Variants in ATL1 observed in about 807,000 individuals in gnomAD.
The protein encoded by ATL1 is atlastin-1.
In ATL1, 31 loss-of-function variants were observed where a neutral mutation model predicts 75.5. The observed-to-expected ratio is 0.41, with a 90% CI of 0.31 to 0.55. The LOEUF (loss-of-function observed/expected upper bound fraction) is 0.55. Among genes scored for constraint, ATL1 ranks in the 20% least tolerant of loss-of-function variants. ATL1 has a pLI of 0.27. For missense variants in ATL1, 405 were observed against 662.6 expected (o/e 0.61, Z 4.27); for synonymous variants, 226 against 233.3 (o/e 0.97, Z 0.28).
intron 12 of ATL1, 49 bp from the exon 13 acceptor site, chr14:50,629,946 A>G: frequency 6.9e-7 from 1 of 1,445,808 alleles, no homozygotes; most frequent in Non-Finnish European, 9.5e-7. Flanking sequence ...CTGTTAATAA[A>G]GCAGGATATA....
chr14:50,570,136 C>T (rs949286269), intron 1 of ATL1, among the ~76,000 whole-genome samples: 13 of 152,164 alleles, frequency 8.5e-5, no homozygotes, highest in African/African-American at 2.9e-4. Flanking sequence ...CTCTCTGCCA[C>T]TTTCTCTTTC....
intron 1 of ATL1, among the ~76,000 whole-genome samples, chr14:50,584,315 T>C (rs995314439): frequency 1.3e-5 from 2 of 152,108 alleles, no homozygotes; most frequent in Non-Finnish European, 2.9e-5. Context: ...GAAGCAGAGG[T>C]TGCAGTGAGC....
intron 1 of ATL1, among the ~76,000 whole-genome samples, chr14:50,534,407 C>G (rs1342359565): frequency 6.6e-6 from 1 of 152,188 alleles, no homozygotes; most frequent in East Asian, 1.9e-4. Context: ...TTTCCTAATG[C>G]AAAGACTTCC....
chr14:50,590,159 C>T (rs1039215271), intron 2 of ATL1, among the ~76,000 whole-genome samples: 6 of 152,158 alleles, frequency 3.9e-5, no homozygotes, highest in Non-Finnish European at 5.9e-5. Context: ...CCTGGTCAGA[C>T]CTTCAATCAT....
intron 2 of ATL1, 147 bp downstream of exon 2, chr14:50,588,225 C>A: frequency 1.9e-6 from 2 of 1,059,130 alleles, no homozygotes; most frequent in Non-Finnish European, 2.7e-6. Flanking sequence ...GTAACCATTC[C>A]AACCTCAGTG....
rs1353204 is a variant in ATL1, at chr14:50,614,797, C to T, written c.862+286C>T. Reference sequence around the variant, plus strand: ...TTATCTCTGTGCACTGAGAAGTGCTCCTTAATATTTTTAGGCTTAATTTTC... The same window carrying T: ...TTATCTCTGTGCACTGAGAAGTGCTTCTTAATATTTTTAGGCTTAATTTTC... On this transcript the variant is annotated intron_variant, in intron 8 of 13. Coordinates refer to ENST00000358385, the MANE Select transcript of ATL1 (RefSeq NM_015915.5). Among the ~76,000 whole-genome samples the T allele has an allele frequency of 0.52, 78,886 of 151,836 alleles. 21,007 individuals are homozygous for T. Among genetic ancestry groups the T allele is most frequent in the East Asian group, 0.74 (3,843 of 5,172 alleles).
chr14:50,549,870 A>G (rs1157335365), intron 1 of ATL1, among the ~76,000 whole-genome samples: 1 of 152,202 alleles, frequency 6.6e-6, no homozygotes, highest in Non-Finnish European at 1.5e-5. Context: ...TAAAAGAGTT[A>G]CCCACTAACA....
chr14:50,575,429 C>T (rs550570849), intron 1 of ATL1, among the ~76,000 whole-genome samples: 1 of 152,224 alleles, frequency 6.6e-6, no homozygotes, highest in African/African-American at 2.4e-5. Flanking sequence ...AATCCCATAT[C>T]TCTACTGTTG....
chr14:50,570,992 G>A (rs2038950336), intron 1 of ATL1, among the ~76,000 whole-genome samples: 1 of 152,122 alleles, frequency 6.6e-6, no homozygotes, highest in Admixed American at 6.6e-5. Flanking sequence ...TTTCCTCTGT[G>A]TATGCAGTTG....
At position 50,618,483 on chromosome 14, in the gene ATL1, T is replaced by C. The variant is rs188440939; in HGVS notation, c.863-2116T>C. 4.4e-3 allele frequency among the ~76,000 whole-genome samples: 663 copies of C among 152,288 alleles called. 8 individuals carry two copies. The highest frequency in any genetic ancestry group is 0.015 in the African/African-American group (633 of 41,570). ...GAATAAACTCCACTGCAAGTACCTGTAAATCACGGTCACTAGAATTTCAAA... is the reference window on the plus strand; with the variant it reads ...GAATAAACTCCACTGCAAGTACCTGCAAATCACGGTCACTAGAATTTCAAA... On this transcript the variant is annotated intron_variant, in intron 8 of 13. Transcript: ENST00000358385.
chr14:50,596,949 C>T (rs1395440008), intron 6 of ATL1, among the ~76,000 whole-genome samples: 4 of 152,022 alleles, frequency 2.6e-5, no homozygotes, highest in Non-Finnish European at 5.9e-5. Context: ...TTGGCTCACA[C>T]CTGTAATCCC....
chr14:50,611,562 CAT>C (rs1298636325), intron 6 of ATL1, among the ~76,000 whole-genome samples: 2 of 151,942 alleles, frequency 1.3e-5, no homozygotes, highest in Non-Finnish European at 2.9e-5. Context: ...AAAGGTGAAA[CAT>C]ATATTTAAAA....
chr14:50,604,992 G>A (rs1197044651), intron 6 of ATL1, among the ~76,000 whole-genome samples: 1 of 151,944 alleles, frequency 6.6e-6, no homozygotes, highest in Non-Finnish European at 1.5e-5. Context: ...TTGGTTACTG[G>A]ATCAAGCAAT....
At chr14:50,544,490 G>A (rs1033752154) in intron 1 of ATL1, among the ~76,000 whole-genome samples, 1 of 152,204 alleles carries the variant, frequency 6.6e-6, no homozygotes, top group South Asian at 2.1e-4. Flanking sequence ...GGAAAAGTCT[G>A]CTGGAGTGCT....
chr14:50,589,630 T>C (rs1224589590), intron 2 of ATL1, among the ~76,000 whole-genome samples: 1 of 152,144 alleles, frequency 6.6e-6, no homozygotes, highest in East Asian at 1.9e-4. Flanking sequence ...ATAATATATG[T>C]ATTAAACAGA....
intron 1 of ATL1, among the ~76,000 whole-genome samples, chr14:50,564,497 A>T (rs2038882219): frequency 6.6e-6 from 1 of 151,754 alleles, no homozygotes; most frequent in Admixed American, 6.6e-5. Context: ...AAAATACAAA[A>T]AATTAGCCGG....
At chr14:50,543,139 G>A (rs1014213055) in intron 1 of ATL1, among the ~76,000 whole-genome samples, 2 of 152,268 alleles carry the variant, frequency 1.3e-5, no homozygotes, top group Non-Finnish European at 2.9e-5. Context: ...TCACTCTAGT[G>A]CTTGCTCAGT....
At chr14:50,559,904 G>C (rs971822349), upstream of ATL1, 10 of 332,550 alleles carry the variant, frequency 3.0e-5, no homozygotes, top group Non-Finnish European at 5.8e-5. Context: ...TTCTGATAAC[G>C]CTGTTAAATT....
chr14:50,604,271 T>G (rs188682545), intron 6 of ATL1, among the ~76,000 whole-genome samples: 1 of 152,238 alleles, frequency 6.6e-6, no homozygotes, highest in Admixed American at 6.5e-5. Flanking sequence ...ACTACCATCT[T>G]TTAGGGCTTC....
Sources: gnomAD v4.1 joint callset for allele counts (sites outside exome capture counted in the v4.1 genomes callset) on GRCh38, gnomAD v4.1.1 for gene constraint, MANE v1.5 for transcripts, NCBI Gene and HGNC (gene_info 2026-07-23, HGNC 2026-07-21) for gene names.